Variants in PLD5 observed in about 807,000 individuals in gnomAD.
PLD5 encodes inactive phospholipase D5.
A neutral mutation model predicts 61.1 loss-of-function variants in PLD5; 36 were observed. The observed-to-expected ratio is 0.59, with a 90% confidence interval of 0.45 to 0.78. PLD5 has a LOEUF of 0.78. Among genes scored for constraint, PLD5 ranks in the 30% least tolerant of loss-of-function variants. The probability of loss-of-function intolerance (pLI) is 0.00; values close to 1 mark genes in which losing one functional copy is unlikely to be tolerated. For synonymous variants in PLD5, 243 were observed against 242.8 expected, an observed-to-expected ratio of 1.00 and a Z score of -0.01; for missense variants, 515 against 644.4, an observed-to-expected ratio of 0.80 and a Z score of 2.17.
chr1:242,317,734 G>GAAA (rs35037707), intron 2 of PLD5, among the ~76,000 whole-genome samples: 2 of 147,270 alleles, frequency 1.4e-5, no homozygotes, highest in Non-Finnish European at 1.5e-5. Flanking sequence ...CATTTCAAAG[G>GAAA]AAAAAAAAAA....
At chr1:242,169,399 A>C (rs1443133067) in intron 5 of PLD5, among the ~76,000 whole-genome samples, 1 of 151,920 alleles carries the variant, frequency 6.6e-6, no homozygotes. Context: ...GGAACCATGC[A>C]CTCCAGCCCT....
chr1:242,412,437 A>G (rs1359645855), intron 1 of PLD5, among the ~76,000 whole-genome samples: 1 of 152,252 alleles, frequency 6.6e-6, no homozygotes, highest in Non-Finnish European at 1.5e-5. Flanking sequence ...AAAGTAGCAC[A>G]GGGACAAGCA....
intron 1 of PLD5, among the ~76,000 whole-genome samples, chr1:242,404,902 T>C (rs1572080651): frequency 7.1e-6 from 1 of 140,508 alleles, no homozygotes; most frequent in African/African-American, 2.7e-5. Flanking sequence ...TTTTTTGAGA[T>C]GTAGTCTCAC....
At chr1:242,485,284 T>C (rs186455994) in intron 1 of PLD5, among the ~76,000 whole-genome samples, 1 of 152,324 alleles carries the variant, frequency 6.6e-6, no homozygotes, top group African/African-American at 2.4e-5. Flanking sequence ...TGTTTGCAGA[T>C]GACATGATTG....
intron 1 of PLD5, among the ~76,000 whole-genome samples, chr1:242,360,219 T>TATC (rs1660990908): frequency 6.6e-6 from 1 of 152,140 alleles, no homozygotes; most frequent in Non-Finnish European, 1.5e-5. Context: ...GGCCCTAAAG[T>TATC]ATCATCTAAA....
intron 1 of PLD5, among the ~76,000 whole-genome samples, chr1:242,426,488 A>C (rs1665434746): frequency 6.6e-6 from 1 of 152,192 alleles, no homozygotes; most frequent in Admixed American, 6.5e-5. Context: ...AGTAGGTGAT[A>C]CACCTGTATC....
At chr1:242,470,460 A>T (rs1667418078) in intron 1 of PLD5, among the ~76,000 whole-genome samples, 1 of 152,182 alleles carries the variant, frequency 6.6e-6, no homozygotes. Context: ...TCACTTATTT[A>T]ACCGGGTGGA....
At chr1:242,396,668 C>CTTTCTTTTTTTTT (rs1479365427) in intron 1 of PLD5, among the ~76,000 whole-genome samples, 3 of 125,130 alleles carry the variant, frequency 2.4e-5, no homozygotes, top group Admixed American at 8.0e-5. Flanking sequence ...TCTTTCTTTT[C>CTTTCTTTTTTTTT]TTTTCTTTTT....
upstream of PLD5, among the ~76,000 whole-genome samples, chr1:242,529,451 C>T (rs1283062677): frequency 6.6e-6 from 1 of 152,134 alleles, no homozygotes; most frequent in Admixed American, 6.5e-5. Context: ...GCAAAGTAAA[C>T]AGAGCCATCC....
chr1:242,127,876 A>G (rs947136091), intron 5 of PLD5, among the ~76,000 whole-genome samples: 3 of 152,318 alleles, frequency 2.0e-5, no homozygotes, highest in East Asian at 1.9e-4. Flanking sequence ...ACGAAAGCAG[A>G]TATCAAGGGA....
At chr1:242,444,116 A>G (rs897048276) in intron 1 of PLD5, among the ~76,000 whole-genome samples, 4 of 152,176 alleles carry the variant, frequency 2.6e-5, no homozygotes, top group African/African-American at 4.8e-5. Context: ...ATTCCTTCCT[A>G]TAAGACCACA....
chr1:242,425,126 T>C (rs558727125), intron 1 of PLD5, among the ~76,000 whole-genome samples: 1 of 152,240 alleles, frequency 6.6e-6, no homozygotes, highest in Non-Finnish European at 1.5e-5. Flanking sequence ...AGCAAGACTC[T>C]GTCTCCAAAA....
chr1:242,127,414 A>G (rs112244907), intron 5 of PLD5, among the ~76,000 whole-genome samples: 199 of 152,346 alleles, frequency 1.3e-3, no homozygotes, highest in African/African-American at 4.7e-3. Context: ...ATGCCCATCA[A>G]TCAACGAGTG....
intron 5 of PLD5, among the ~76,000 whole-genome samples, chr1:242,171,684 GA>G (rs1425294280): frequency 4.0e-5 from 6 of 148,260 alleles, no homozygotes; most frequent in African/African-American, 2.5e-5. Context: ...TCAAAATAAA[GA>G]GAGGGAGGAA....
intron 1 of PLD5, among the ~76,000 whole-genome samples, chr1:242,390,701 T>A (rs1032551235): frequency 1.1e-4 from 16 of 152,160 alleles, no homozygotes; most frequent in Non-Finnish European, 2.2e-4. Flanking sequence ...TATTTTAATA[T>A]GTGGTTTGGC....
At chr1:242,218,849 T>C (rs1471678369) in intron 5 of PLD5, among the ~76,000 whole-genome samples, 1 of 152,162 alleles carries the variant, frequency 6.6e-6, no homozygotes, top group African/African-American at 2.4e-5. Context: ...GATAAAATTA[T>C]AAGAGGAGTA....
intron 5 of PLD5, among the ~76,000 whole-genome samples, chr1:242,140,221 T>C (rs1664058008): frequency 6.6e-6 from 1 of 152,230 alleles, no homozygotes; most frequent in South Asian, 2.1e-4. Flanking sequence ...TAGATAATCC[T>C]ACATAGATAA....
chr1:242,337,606 G>A (rs1474306616), intron 2 of PLD5, among the ~76,000 whole-genome samples: 1 of 152,166 alleles, frequency 6.6e-6, no homozygotes, highest in Non-Finnish European at 1.5e-5. Context: ...ACTCCAGCCA[G>A]GGCAACGAGA....
intron 5 of PLD5, among the ~76,000 whole-genome samples, chr1:242,184,471 C>T (rs1343540448): frequency 1.3e-5 from 2 of 152,138 alleles, no homozygotes; most frequent in East Asian, 3.9e-4. Context: ...TGGGTTCAAG[C>T]AATTCTTGTG....
Sources: gnomAD v4.1 joint callset for allele counts (sites outside exome capture counted in the v4.1 genomes callset) on GRCh38, gnomAD v4.1.1 for gene constraint, MANE v1.5 for transcripts, NCBI Gene and HGNC (gene_info 2026-07-23, HGNC 2026-07-21) for gene names.